Variants in ZNF710 observed in about 807,000 individuals in gnomAD.
The protein encoded by ZNF710 is zinc finger protein 710.
In ZNF710, 13 loss-of-function variants were observed where a neutral mutation model predicts 50.6. The ratio of observed to expected loss-of-function variants is 0.26; its 90% confidence interval spans 0.17 to 0.41. ZNF710 has a LOEUF of 0.41. ZNF710 is among the 10% of genes least tolerant of loss of function. ZNF710 has a pLI of 1.00. For synonymous variants in ZNF710, 383 were observed against 397.0 expected (o/e 0.96, Z 0.42); for missense variants, 721 against 936.6 (o/e 0.77, Z 3.01).
intron 1 of ZNF710, among the ~76,000 whole-genome samples, chr15:90,052,948 TTAAAATAAAATAAAATAAAATGTC>T (rs1899692413): frequency 6.6e-6 from 1 of 152,042 alleles, no homozygotes; most frequent in Admixed American, 6.6e-5. Context: ...ATAATAATTA[TTAAAATAAAATAAAATAAAATGTC>T]TATCTCCCTG....
At chr15:90,053,348 C>CT (rs111542346) in intron 1 of ZNF710, among the ~76,000 whole-genome samples, 21,736 of 144,496 alleles carry the variant, frequency 0.15, 2,105 homozygotes, top group African/African-American at 0.27. Flanking sequence ...CAGTGAATTC[C>CT]TTTTTTTTTT....
chr15:90,036,230 G>A (rs1385295540), intron 1 of ZNF710, among the ~76,000 whole-genome samples: 2 of 52,674 alleles, frequency 3.8e-5, no homozygotes, highest in African/African-American at 1.6e-4. Flanking sequence ...CACTCTTGCC[G>A]CCCGCCCCCC....
intron 1 of ZNF710, among the ~76,000 whole-genome samples, chr15:90,065,074 A>T (rs143923449): frequency 0.01 from 1,565 of 150,678 alleles, 16 homozygotes; most frequent in Non-Finnish European, 0.015. Flanking sequence ...ATGCACCCTG[A>T]CCCCCCAGGC....
At chr15:90,026,559 A>C (rs1339020104) in intron 1 of ZNF710, among the ~76,000 whole-genome samples, 1 of 152,142 alleles carries the variant, frequency 6.6e-6, no homozygotes, top group Non-Finnish European at 1.5e-5. Flanking sequence ...AAAGATGGAG[A>C]GCTCTCCAGT....
chr15:90,026,469 A>G (rs189755445), intron 1 of ZNF710, among the ~76,000 whole-genome samples: 1 of 152,186 alleles, frequency 6.6e-6, no homozygotes, highest in Admixed American at 6.5e-5. Context: ...CACCAAAGAC[A>G]CTGGTCCCAA....
chr15:89,999,993 G>A (rs1017320897), upstream of ZNF710, among the ~76,000 whole-genome samples: 4 of 151,966 alleles, frequency 2.6e-5, no homozygotes, highest in African/African-American at 9.7e-5. Flanking sequence ...GTCCTGAGCC[G>A]CAGCTTCCCT....
chr15:90,034,041 A>C lies in ZNF710; in HGVS notation c.-29+32427A>C, dbSNP rs1206713817. On this transcript the variant is annotated intron_variant, in intron 1 of 4. Coordinates refer to ENST00000268154, the MANE Select transcript of ZNF710 (RefSeq NM_198526.4). The surrounding 1 kb of genome is among the most constrained non-coding windows in gnomAD (Gnocchi z 4.0). Reference sequence around the variant, plus strand: ...ACATGGTGAAACCCTGTCTTTACTAAAAGTACAAAAATTAGCTGGGCGTGG... The same window carrying C: ...ACATGGTGAAACCCTGTCTTTACTACAAGTACAAAAATTAGCTGGGCGTGG... Among the ~76,000 whole-genome samples, 1 of 152,192 alleles carries C rather than the reference A, an allele frequency of 6.6e-6. No individual in the cohort carries two copies. The highest frequency in any genetic ancestry group is 1.5e-5 in the Non-Finnish European group (1 of 68,008).
intron 1 of ZNF710, among the ~76,000 whole-genome samples, chr15:90,041,591 C>T (rs546856182): frequency 1.3e-5 from 2 of 152,304 alleles, no homozygotes; most frequent in East Asian, 3.9e-4. Flanking sequence ...AAGAGCTTCC[C>T]TGAACCTCCA....
rs1011267136 is a variant in ZNF710, at chr15:90,008,441, C to CAT, written c.-29+6838_-29+6839dup. On this transcript the variant is annotated intron_variant, in intron 1 of 4. Transcript: ENST00000268154. Reference sequence around the variant, plus strand: ...GTGTGTGTGTGTATATATATATATACATATATATATATGTATATATATATA... The same window carrying CAT: ...GTGTGTGTGTGTATATATATATATACATATATATATATATGTATATATATATA... Among the ~76,000 whole-genome samples the CAT allele has an allele frequency of 9.5e-4, 120 of 126,474 alleles. 8 individuals are homozygous for CAT. The highest frequency in any genetic ancestry group is 3.7e-3 in the African/African-American group (97 of 26,308). 83.0% of individuals were successfully genotyped at this position (126,474 alleles called of 152,430 possible).
At chr15:90,018,519 T>A (rs971228820) in intron 1 of ZNF710, among the ~76,000 whole-genome samples, 3 of 152,206 alleles carry the variant, frequency 2.0e-5, no homozygotes, top group African/African-American at 7.2e-5. Flanking sequence ...CCACCTAGAT[T>A]AACAAATCTC....
At chr15:90,026,698 G>A (rs1468673824) in intron 1 of ZNF710, among the ~76,000 whole-genome samples, 1 of 152,168 alleles carries the variant, frequency 6.6e-6, no homozygotes, top group Admixed American at 6.5e-5. Context: ...ACCCAGTGGG[G>A]CAGGAGGAAA....
intron 1 of ZNF710, among the ~76,000 whole-genome samples, chr15:90,022,595 G>A (rs114965101): frequency 0.015 from 2,308 of 152,304 alleles, 61 homozygotes; most frequent in African/African-American, 0.052. Context: ...ACACTATGGC[G>A]GATCACTCTG....
At chr15:90,033,765 G>T (rs543168470) in intron 1 of ZNF710, among the ~76,000 whole-genome samples, 9 of 152,302 alleles carry the variant, frequency 5.9e-5, no homozygotes, top group African/African-American at 1.9e-4. Flanking sequence ...AGAGCCTGGG[G>T]AGAAACTCCT....
Position 90,073,281 on chromosome 15 carries a change from C to A in ZNF710, c.1650+19C>A. On this transcript the variant is annotated intron_variant, in intron 3 of 4. Transcript: ENST00000268154. ...ATGCAAGGTACCCGGTCATCAGGCC[C>A]CGGGGCTGGGACCTCCCCGAGGGTG... The A allele has an allele frequency of 1.2e-6, 2 of 1,607,036 alleles. No homozygotes were observed. The highest frequency in any genetic ancestry group is 1.7e-6 in the Non-Finnish European group (2 of 1,174,518).
chr15:90,024,134 C>A (rs564197363), intron 1 of ZNF710, among the ~76,000 whole-genome samples: 8 of 152,236 alleles, frequency 5.3e-5, no homozygotes, highest in African/African-American at 1.7e-4. Context: ...CCTTCCCACC[C>A]CTTACCTAAG....
chr15:90,043,482 T>TC (rs1229878148), intron 1 of ZNF710, among the ~76,000 whole-genome samples: 1 of 152,248 alleles, frequency 6.6e-6, no homozygotes, highest in Non-Finnish European at 1.5e-5. Flanking sequence ...AGGGAGCAAC[T>TC]CCCCTTGGGG....
At chr15:90,021,482 A>G (rs4932272) in intron 1 of ZNF710, among the ~76,000 whole-genome samples, 77,731 of 152,056 alleles carry the variant, frequency 0.51, 20,706 homozygotes, top group Non-Finnish European at 0.58. Flanking sequence ...CCGCGGTGCT[A>G]TGAAGTCAGG....
chr15:90,032,035 C>G (rs547082500), intron 1 of ZNF710, among the ~76,000 whole-genome samples: 66 of 152,304 alleles, frequency 4.3e-4, no homozygotes, highest in African/African-American at 1.5e-3. Context: ...GTCTCGCTGT[C>G]GCCCAGGCTG....
chr15:90,046,684 C>A (rs532753744), intron 1 of ZNF710, among the ~76,000 whole-genome samples: 1 of 152,210 alleles, frequency 6.6e-6, no homozygotes, highest in Non-Finnish European at 1.5e-5. Flanking sequence ...TGGTGCTGAG[C>A]CCCTACTATG....
Sources: allele counts gnomAD v4.1 joint callset (sites outside exome capture counted in the v4.1 genomes callset), GRCh38; gene constraint gnomAD v4.1.1; non-coding constraint Gnocchi (gnomAD v3.1); transcripts MANE v1.5; gene names NCBI Gene and HGNC (gene_info 2026-07-23, HGNC 2026-07-21).